Variants in EPG5 observed in about 807,000 individuals in gnomAD.
EPG5 encodes the protein ectopic P-granules 5 autophagy tethering factor.
EPG5 carries 159 observed loss-of-function variants against 302.7 expected under a neutral mutation model. The ratio of observed to expected loss-of-function variants is 0.53; its 90% CI spans 0.46 to 0.60. The LOEUF (loss-of-function observed/expected upper bound fraction) is 0.60. EPG5 is among the 20% of genes least tolerant of loss of function. The pLI, the probability that EPG5 is intolerant of heterozygous loss-of-function variation, is 0.00. For missense variants in EPG5, 2,896 were observed against 3,092.4 expected, an observed-to-expected ratio of 0.94 and a Z score of 1.51; for synonymous variants, 1,158 against 1,136.8, an observed-to-expected ratio of 1.02 and a Z score of -0.37.
chr18:45,880,246 C>A lies in EPG5; in HGVS notation c.5519-23G>T, dbSNP rs773652820. 1.3e-5 allele frequency: 21 copies of A among 1,557,280 alleles called. 1 individual carries two copies. In the South Asian group the frequency reaches 2.4e-4, roughly 18 times the overall value. On this transcript the variant is annotated intron_variant, in intron 31 of 43. Coordinates refer to ENST00000282041, the MANE Select transcript of EPG5 (RefSeq NM_020964.3). ...AGCCTGCCAGCAGGGACAGGAAGAG[C>A]AAGTCAGTGGCTTTCCCGAAAGGAA...
chr18:45,888,982 C>T (rs56193097), intron 28 of EPG5, among the ~76,000 whole-genome samples: 71,259 of 151,960 alleles, frequency 0.47, 17,721 homozygotes, highest in East Asian at 0.58. Flanking sequence ...GAATAAGATC[C>T]TAGAATAAAG....
At chr18:45,856,627 G>A (rs921858250) in intron 42 of EPG5, among the ~76,000 whole-genome samples, 1 of 152,208 alleles carries the variant, frequency 6.6e-6, no homozygotes, top group African/African-American at 2.4e-5. Context: ...AAATCTCGCA[G>A]TCCTGCTATC....
rs201986809 is a variant in EPG5, at chr18:45,901,144, A to T, written c.4498T>A (p.Leu1500Met). 24 of 1,614,178 alleles carry T rather than the reference A, an allele frequency of 1.5e-5. No individual in the cohort carries two copies. In the Middle Eastern group the frequency reaches 4.9e-4, roughly 33 times the overall value. Residue 1500 changes from leucine to methionine, a missense_variant, in exon 26 of 44, where the codon TTG becomes ATG. Leu to Met is a conservative substitution (Grantham distance 15). Around this residue, in one of 5 missense-constraint regions of EPG5, gnomAD observed 790 missense variants for 798.0 expected, o/e 0.99. Coordinates refer to ENST00000282041, the MANE Select transcript of EPG5 (RefSeq NM_020964.3). ...GGCTGGGGAGCCTCATGCTTCCGCA[A>T]GTTACTTAAAACCCTTTCTTTAGCT... ...LLAKERVLSNLRKHEAPQPPL... is the reference protein window; with the variant it reads ...LLAKERVLSNMRKHEAPQPPL...
rs1296338040 is a variant in EPG5, at chr18:45,847,868, A to G, written c.*4599T>C. ...ACATAAGTGATTTTAAACTATTGAA[A>G]GAAAAATAAATTCTATCAGTGCTCA... On this transcript the variant is annotated 3_prime_UTR_variant, in exon 44 of 44. Coordinates refer to ENST00000282041, the MANE Select transcript of EPG5 (RefSeq NM_020964.3). 1 of 152,660 alleles carries G rather than the reference A, an allele frequency of 6.6e-6. No individual in the cohort carries two copies. Among genetic ancestry groups the G allele is most frequent in the Non-Finnish European group, 1.5e-5 (1 of 68,044 alleles). The allele number at this position is 152,660 out of a possible 1,614,324, so 9.5% of individuals were successfully genotyped here.
the EPG5 span, among the ~76,000 whole-genome samples, chr18:45,830,579 CTTTCT>C: frequency 1.0e-5 from 1 of 96,806 alleles, no homozygotes; most frequent in Non-Finnish European, 2.1e-5. Context: ...AGATATTTTT[CTTTCT>C]TTTTTTTTTT....
chr18:45,801,324 C>T, the EPG5 span, among the ~76,000 whole-genome samples: 4 of 152,314 alleles, frequency 2.6e-5, no homozygotes, highest in South Asian at 4.1e-4. Flanking sequence ...GCGTGAGCCA[C>T]CACATCCGGC....
At chr18:45,813,926 T>TA in the EPG5 span, among the ~76,000 whole-genome samples, 1 of 151,422 alleles carries the variant, frequency 6.6e-6, no homozygotes, top group Non-Finnish European at 1.5e-5. Context: ...TTTAAAAAAT[T>TA]AAAAAAATAA....
chr18:45,808,410 C>T, the EPG5 span, among the ~76,000 whole-genome samples: 1 of 152,088 alleles, frequency 6.6e-6, no homozygotes, highest in Non-Finnish European at 1.5e-5. Flanking sequence ...AAAGATCATA[C>T]CTATGCACGT....
intron 7 of EPG5, 59 bp downstream of exon 7, chr18:45,946,604 T>G: frequency 7.8e-7 from 1 of 1,281,092 alleles, no homozygotes; most frequent in African/African-American, 1.5e-5. Flanking sequence ...AGAACAATAC[T>G]TGGTGCATAA....
intron 26 of EPG5, among the ~76,000 whole-genome samples, chr18:45,900,329 G>A (rs2049581694): frequency 6.7e-6 from 1 of 150,086 alleles, no homozygotes; most frequent in Admixed American, 6.7e-5. Context: ...GTGAACTCGG[G>A]AGGCTGAGTT....
intron 10 of EPG5, among the ~76,000 whole-genome samples, chr18:45,936,060 T>C (rs1190832251): frequency 8.5e-5 from 13 of 152,150 alleles, no homozygotes; most frequent in Admixed American, 8.5e-4. Context: ...AAATGCAGAT[T>C]CCCAAGCCTC....
At chr18:45,923,436 G>A in intron 14 of EPG5, 49 bp from the exon 15 acceptor site, 1 of 1,584,202 alleles carries the variant, frequency 6.3e-7, no homozygotes, top group Non-Finnish European at 8.6e-7. Context: ...GTTTTGTTTT[G>A]TTTTTGTACC....
the EPG5 span, among the ~76,000 whole-genome samples, chr18:45,839,306 G>A: frequency 2.0e-5 from 3 of 152,230 alleles, no homozygotes; most frequent in Admixed American, 6.5e-5. Context: ...GAGGCTCAGA[G>A]AGGTTAAGTA....
chr18:45,917,791 G>T lies in EPG5; in HGVS notation c.3127C>A (p.Pro1043Thr). ...SIEKFCAEGI[P>T]LLGILVQSRH... Reference sequence around the variant, plus strand: ...GACTGGACCAGAATTCCCAATAGTGGGATGCCTTCTGCACAGAACTTCTCA... The same window carrying T: ...GACTGGACCAGAATTCCCAATAGTGTGATGCCTTCTGCACAGAACTTCTCA... Residue 1043 changes from proline (P) to threonine (T), a missense_variant, in exon 17 of 44, where the codon CCA (proline) becomes ACA (threonine). By Grantham distance (38) the Pro-to-Thr change is conservative (BLOSUM62 -1). This residue lies in a region of EPG5 where 1,390 missense variants were observed against 1,430.0 expected (regional missense o/e 0.97). Transcript: ENST00000282041. The T allele has an allele frequency of 6.2e-7, 1 of 1,614,096 alleles. No individual in the cohort carries two copies.
chr18:45,835,507 G>A, the EPG5 span, among the ~76,000 whole-genome samples: 1 of 152,120 alleles, frequency 6.6e-6, no homozygotes, highest in Non-Finnish European at 1.5e-5. Flanking sequence ...CTCAGGAAGA[G>A]AAGAGAAAAA....
In EPG5 at chr18:45,865,664, T is replaced by C. The variant is rs766604013; in HGVS notation, c.6717A>G (p.Glu2239=). The C allele has an allele frequency of 6.2e-7, 1 of 1,614,054 alleles. No homozygotes were observed. Among genetic ancestry groups the C allele is most frequent in the African/African-American group, 1.3e-5 (1 of 74,970 alleles). The part of the protein sequence containing the change: ...QNGKITLAVL[E]QEMSKLLDDI... ...CGTCTAAGAGCTTAGACATTTCCTGTTCTAGGACTGCTAAGGTGATTTTTC... is the reference window on the plus strand; with the variant it reads ...CGTCTAAGAGCTTAGACATTTCCTGCTCTAGGACTGCTAAGGTGATTTTTC... Residue 2239 remains glutamate, a synonymous_variant, in exon 39 of 44, where the codon GAA becomes GAG. Transcript: ENST00000282041.
In EPG5 at chr18:45,882,407, T is replaced by C; in HGVS notation, c.5385A>G (p.Ala1795=). ...RTRLLESIHL[A]LTAWGLEPDE... ...CTGGTTCAAGGCCCCAGGCAGTAAG[T>C]GCCAAGTGAATGGACTCCAGAAGCC... The change falls in exon 31 of 44, where the codon GCA becomes GCG. Residue 1795 remains alanine (A), a synonymous_variant. Coordinates refer to ENST00000282041, the MANE Select transcript of EPG5 (RefSeq NM_020964.3). 2 of 1,614,194 alleles carry C rather than the reference T, an allele frequency of 1.2e-6. No individual in the cohort carries two copies. The highest frequency in any genetic ancestry group is 1.7e-6 in the Non-Finnish European group (2 of 1,180,038).
At chr18:45,816,365 T>G in the EPG5 span, among the ~76,000 whole-genome samples, 3 of 151,832 alleles carry the variant, frequency 2.0e-5, no homozygotes, top group African/African-American at 7.3e-5. Context: ...AGAGAAAATC[T>G]TCACAATCTA....
Position 45,899,109 on chromosome 18 carries a change from G to A in EPG5, c.4809+295C>T, listed in dbSNP as rs545822206. 1.7e-3 allele frequency among the ~76,000 whole-genome samples: 265 copies of A among 152,080 alleles called. 2 individuals carry two copies. The highest frequency in any genetic ancestry group is 6.0e-3 in the African/African-American group (249 of 41,508). ...CACTGCACTCCAGCCTGGGGACTCCGTTTCAAAAAACAAACAAACAAAAAA... is the reference window on the plus strand; with the variant it reads ...CACTGCACTCCAGCCTGGGGACTCCATTTCAAAAAACAAACAAACAAAAAA... On this transcript the variant is annotated intron_variant, in intron 27 of 43. Transcript: ENST00000282041.
Sources: allele counts gnomAD v4.1 joint callset (sites outside exome capture counted in the v4.1 genomes callset), GRCh38; gene constraint gnomAD v4.1.1; regional missense constraint gnomAD v4.1.1; transcripts MANE v1.5; gene names NCBI Gene and HGNC (gene_info 2026-07-23, HGNC 2026-07-21).